Variants in NAALADL1 observed in about 807,000 individuals in gnomAD.
NAALADL1 encodes the protein aminopeptidase NAALADL1.
Under a neutral mutation model 82.8 loss-of-function variants are expected in NAALADL1, and 77 were observed. That is an observed-to-expected ratio of 0.93 (90% confidence interval 0.77 to 1.12). NAALADL1 has a LOEUF of 1.12. Ranked by LOEUF, NAALADL1 falls within the 50% of genes most tolerant of loss-of-function variation. NAALADL1 has a pLI of 0.00. For missense variants in NAALADL1, 956 were observed against 964.0 expected (o/e 0.99, Z 0.11); for synonymous variants, 358 against 399.2 (o/e 0.90, Z 1.23).
intron 8 of NAALADL1, among the ~76,000 whole-genome samples, chr11:65,048,670 A>AC (rs765624368): frequency 1.3e-5 from 2 of 150,074 alleles, no homozygotes; most frequent in Non-Finnish European, 3.0e-5. Flanking sequence ...TCCACCCTCA[A>AC]CCCCCGCCTC....
intron 3 of NAALADL1, 138 bp downstream of exon 3, chr11:65,057,737 G>T: frequency 7.3e-7 from 1 of 1,361,238 alleles, no homozygotes; most frequent in Non-Finnish European, 1.0e-6. Flanking sequence ...AAGGAGCAGC[G>T]ATGGAGTGTC....
chr11:65,045,615 G>A (rs753535291), intron 17 of NAALADL1, 158 bp from the exon 18 acceptor site: 20 of 929,128 alleles, frequency 2.2e-5, no homozygotes, highest in African/African-American at 3.3e-5. Flanking sequence ...AGCAGTGGCG[G>A]TCGGGGGAGG....
At position 65,046,106 on chromosome 11, in the gene NAALADL1, C is replaced by G; in HGVS notation, c.1864G>C (p.Val622Leu). The change falls in exon 16 of 18, where the codon GTG (valine) becomes CTG (leucine). Residue 622 changes from valine to leucine, a missense_variant. Val to Leu is a conservative substitution (Grantham distance 32, BLOSUM62 1). Transcript: ENST00000358658. ...EQHSISLGPLVTAVEKFEAEA... is the reference protein window; with the variant it reads ...EQHSISLGPLLTAVEKFEAEA... ...GCCTCAAACTTCTCCACTGCAGTCA[C>G]CAGAGGCCCTGTGAGGAACAAGCAG... 6.2e-7 allele frequency: 1 copy of G among 1,614,176 alleles called. No individual in the cohort carries two copies. Among genetic ancestry groups the G allele is most frequent in the Non-Finnish European group, 8.5e-7 (1 of 1,180,032 alleles).
In NAALADL1 at chr11:65,046,322, A is replaced by G. The variant is rs2136966640; in HGVS notation, c.1722T>C (p.Ser574=). ...AGCTGTCACTGAGCCGGAGAATCAC[A>G]CTCCCCGCTGTCCGGGCCACAGCCT... ...SHQAVARTAG[S]VILRLSDSFF... The change falls in exon 15 of 18, where the codon AGT becomes AGC. Residue 574 remains serine, a synonymous_variant. Coordinates refer to ENST00000358658, the MANE Select transcript of NAALADL1 (RefSeq NM_005468.3). 1.9e-6 allele frequency: 3 copies of G among 1,613,458 alleles called. No individual in the cohort carries two copies. The highest frequency in any genetic ancestry group is 2.5e-6 in the Non-Finnish European group (3 of 1,179,894).
chr11:65,054,737 G>C lies in NAALADL1; in HGVS notation c.605C>G (p.Ala202Gly). The stretch of plus-strand genomic sequence containing the variant: ...TACCCCGTGCTTGGCAGCGTTCACA[G>C]CCTGCAGTGGGCAGAGGAGGCTGTG... Reference protein sequence around the residue: ...RYGGVGRGAKAVNAAKHGVAG... With the variant: ...RYGGVGRGAKGVNAAKHGVAG... The change falls in exon 5 of 18, where the codon GCT becomes GGT. Residue 202 changes from alanine to glycine, a missense_variant and splice_region_variant. Ala to Gly is a moderately conservative substitution (Grantham distance 60). Transcript: ENST00000358658. The surrounding 1 kb of genome is among the most constrained non-coding windows in gnomAD (Gnocchi z 4.3). 6.2e-7 allele frequency: 1 copy of C among 1,612,920 alleles called. No homozygotes were observed. Among genetic ancestry groups the C allele is most frequent in the Non-Finnish European group, 8.5e-7 (1 of 1,179,498 alleles).
At position 65,046,444 on chromosome 11, in the gene NAALADL1, C is replaced by G. The variant is rs969914755; in HGVS notation, c.1681+1G>C. 5 of 1,614,066 alleles carry G rather than the reference C, an allele frequency of 3.1e-6. No homozygotes were observed. The highest frequency in any genetic ancestry group is 1.3e-5 in the African/African-American group (1 of 74,916). On this transcript the variant is annotated splice_donor_variant, in intron 14 of 17. Coordinates refer to ENST00000358658, the MANE Select transcript of NAALADL1 (RefSeq NM_005468.3). LOFTEE classifies it high-confidence loss of function. ...AGGATGCCCCTTGTCTCCCTCCTCA[C>G]CCGGGTCCAAAAACTTGTCCACATA...
At chr11:65,047,387 G>C (rs944432061) in intron 13 of NAALADL1, 88 bp downstream of exon 13, 50 of 1,121,892 alleles carry the variant, frequency 4.5e-5, no homozygotes, top group Non-Finnish European at 6.2e-5. Context: ...AAAGGTGCAG[G>C]GTTCAGTCTG....
chr11:65,045,207 C>T lies in NAALADL1; in HGVS notation c.*64G>A. On this transcript the variant is annotated 3_prime_UTR_variant, in exon 18 of 18. Coordinates refer to ENST00000358658, the MANE Select transcript of NAALADL1 (RefSeq NM_005468.3). ...CTTCTGGCACCAAGGAAGACCAGGACATCTCAGGAAAGCAGGCAGGAGAGG... is the reference window on the plus strand; with the variant it reads ...CTTCTGGCACCAAGGAAGACCAGGATATCTCAGGAAAGCAGGCAGGAGAGG... The T allele has an allele frequency of 6.5e-7, 1 of 1,544,848 alleles. No individual in the cohort carries two copies. The highest frequency in any genetic ancestry group is 8.8e-7 in the Non-Finnish European group (1 of 1,138,202).
chr11:65,060,123 CGTGT>C (rs139317710), upstream of NAALADL1, among the ~76,000 whole-genome samples: 129 of 147,436 alleles, frequency 8.7e-4, no homozygotes, highest in East Asian at 1.8e-3. Context: ...CAGGGCAGAG[CGTGT>C]GTGTGTGTGT....
chr11:65,059,605 GCCTGGACT>G (rs918851812), upstream of NAALADL1, among the ~76,000 whole-genome samples: 4 of 152,318 alleles, frequency 2.6e-5, no homozygotes, highest in Non-Finnish European at 5.9e-5. Context: ...CCCTGGCTCT[GCCTGGACT>G]CCGTCATCCA....
upstream of NAALADL1, among the ~76,000 whole-genome samples, chr11:65,061,161 C>T (rs1012469509): frequency 7.9e-5 from 12 of 152,208 alleles, no homozygotes; most frequent in African/African-American, 2.4e-4. Flanking sequence ...TGCAGAGTCA[C>T]GTGGCCTCCC....
intron 17 of NAALADL1, 167 bp from the exon 18 acceptor site, chr11:65,045,624 G>A (rs1946702515): frequency 2.2e-6 from 2 of 898,986 alleles, no homozygotes; most frequent in South Asian, 3.6e-5. Flanking sequence ...GGTCGGGGGA[G>A]GAAATGTGGG....
Position 65,058,154 on chromosome 11 carries a change from C to T in NAALADL1, c.282G>A (p.Leu94=), listed in dbSNP as rs1478347904. The T allele has an allele frequency of 1.2e-6, 2 of 1,613,998 alleles. No homozygotes were observed. Among genetic ancestry groups the T allele is most frequent in the East Asian group, 2.2e-5 (1 of 44,878 alleles). ...CGTACGTGGAGGCCTCGGCCGAGTC[C>T]AGGCCTGACTCTGGGTCCTTCCAGC... ...LQRWKDPESG[L]DSAEASTYEV... is the part of the protein sequence containing the mutation. The change falls in exon 2 of 18, where the codon CTG becomes CTA. Residue 94 remains leucine (L), a synonymous_variant. Coordinates refer to ENST00000358658, the MANE Select transcript of NAALADL1 (RefSeq NM_005468.3).
chr11:65,045,543 G>A (rs1946699820), intron 17 of NAALADL1, 86 bp from the exon 18 acceptor site: 1 of 1,387,306 alleles, frequency 7.2e-7, no homozygotes, highest in Admixed American at 2.6e-5. Flanking sequence ...CTCAGCTCCT[G>A]TACGCAGCGA....
chr11:65,045,637 CCA>C (rs1366977234), intron 17 of NAALADL1, 180 bp from the exon 18 acceptor site: 12 of 869,920 alleles, frequency 1.4e-5, no homozygotes, highest in Non-Finnish European at 2.1e-5. Flanking sequence ...AATGTGGGTT[CCA>C]GTCCTAGCTC....
upstream of NAALADL1, among the ~76,000 whole-genome samples, chr11:65,059,472 C>G (rs1236125799): frequency 6.6e-6 from 1 of 152,194 alleles, no homozygotes; most frequent in Non-Finnish European, 1.5e-5. Context: ...GAAGAACTCT[C>G]TGTGTCTATC....
intron 4 of NAALADL1, among the ~76,000 whole-genome samples, chr11:65,055,129 G>A (rs748237285): frequency 1.1e-4 from 16 of 152,178 alleles, no homozygotes; most frequent in Admixed American, 6.5e-5. Flanking sequence ...AGGCCGGGTG[G>A]GGTGGCTCAC....
Position 65,053,089 on chromosome 11 carries a change from C to T in NAALADL1, c.1198+129G>A. 3.3e-6 allele frequency: 4 copies of T among 1,214,844 alleles called. No individual in the cohort carries two copies. The highest frequency in any genetic ancestry group is 5.1e-5 in the East Asian group (2 of 39,172). The allele number at this position is 1,214,844 out of a possible 1,614,324, so 75.3% of individuals were successfully genotyped here. ...GGCTGCTGCAGGCCAAGGCTGGTGT[C>T]ATGCATGTCTGCCCCCAGGGCCCTC... On this transcript the variant is annotated intron_variant, in intron 8 of 17. Coordinates refer to ENST00000358658, the MANE Select transcript of NAALADL1 (RefSeq NM_005468.3). The surrounding 1 kb of genome is among the most constrained non-coding windows in gnomAD (Gnocchi z 4.3).
At chr11:65,051,356 A>G (rs1946885135) in intron 8 of NAALADL1, among the ~76,000 whole-genome samples, 2 of 28,480 alleles carry the variant, frequency 7.0e-5, no homozygotes, top group Admixed American at 4.8e-4. Flanking sequence ...TTTTTTTTTG[A>G]GACAGGGTCC....
Sources: allele counts gnomAD v4.1 joint callset (sites outside exome capture counted in the v4.1 genomes callset), GRCh38; gene constraint gnomAD v4.1.1; non-coding constraint Gnocchi (gnomAD v3.1); transcripts MANE v1.5; gene names NCBI Gene and HGNC (gene_info 2026-07-23, HGNC 2026-07-21).